CCSER1: variants seen among roughly 807,000 people sequenced by gnomAD.
The protein encoded by CCSER1 is serine-rich coiled-coil domain-containing protein 1.
A neutral mutation model predicts 82.0 loss-of-function variants in CCSER1; 41 were observed. The ratio of observed to expected loss-of-function variants is 0.50; its 90% CI spans 0.39 to 0.65. The LOEUF (loss-of-function observed/expected upper bound fraction) is 0.65. Ranked by LOEUF, CCSER1 falls within the 30% of genes least tolerant of loss-of-function variation. CCSER1 has a pLI of 0.00. For missense variants in CCSER1, 1,119 were observed against 1,064.2 expected, an observed-to-expected ratio of 1.05 and a Z score of -0.72; for synonymous variants, 414 against 383.9, an observed-to-expected ratio of 1.08 and a Z score of -0.92.
At chr4:91,181,567 T>C (rs1388807474) in intron 10 of CCSER1, among the ~76,000 whole-genome samples, 1 of 152,214 alleles carries the variant, frequency 6.6e-6, no homozygotes, top group Non-Finnish European at 1.5e-5. Flanking sequence ...ACTTTTGCCA[T>C]ACTTCTCATC....
In CCSER1 at chr4:90,215,799, A is replaced by G. The variant is rs560198655; in HGVS notation, c.-42+87968A>G. On this transcript the variant is annotated intron_variant, in intron 1 of 10. Coordinates refer to ENST00000509176, the MANE Select transcript of CCSER1 (RefSeq NM_001145065.2). ...ACCTGCCTCAGATCTAATCTTTGGA[A>G]CCCCAGATCTAATCTTTGGAACCCA... Among the ~76,000 whole-genome samples, 4 of 152,144 alleles carry G rather than the reference A, an allele frequency of 2.6e-5. No individual in the cohort carries two copies. The South Asian group carries it at 8.3e-4, about 32-fold the overall frequency.
At chr4:91,442,212 C>A (rs1441094786) in intron 10 of CCSER1, among the ~76,000 whole-genome samples, 3 of 151,440 alleles carry the variant, frequency 2.0e-5, no homozygotes, top group Non-Finnish European at 3.0e-5. Flanking sequence ...CGCTACCTGA[C>A]TTCAAACTAT....
intron 6 of CCSER1, among the ~76,000 whole-genome samples, chr4:90,663,071 T>C (rs545095379): frequency 6.6e-6 from 1 of 152,326 alleles, no homozygotes; most frequent in African/African-American, 2.4e-5. Context: ...TGAGTTGATT[T>C]TCTGATTTTT....
In CCSER1 at chr4:91,165,232, A is replaced by T. The variant is rs924486635; in HGVS notation, c.2217+79238A>T. On this transcript the variant is annotated intron_variant, in intron 10 of 10. Transcript: ENST00000509176. Reference sequence around the variant, plus strand: ...TTGCAGTTTGCTGGAGGTCCACTCCAGACCCTGTTTGCCTGGGTATGACCA... The same window carrying T: ...TTGCAGTTTGCTGGAGGTCCACTCCTGACCCTGTTTGCCTGGGTATGACCA... Among the ~76,000 whole-genome samples, 3 of 152,330 alleles carry T rather than the reference A, an allele frequency of 2.0e-5. No homozygotes were observed. In the South Asian group the frequency reaches 6.2e-4, roughly 32 times the overall value.
intron 10 of CCSER1, among the ~76,000 whole-genome samples, chr4:91,426,045 C>T (rs1753949542): frequency 6.6e-6 from 1 of 152,124 alleles, no homozygotes; most frequent in Admixed American, 6.5e-5. Flanking sequence ...CCTAGCCCCC[C>T]ACATCCCAAT....
At chr4:91,354,871 G>A (rs927748467) in intron 10 of CCSER1, among the ~76,000 whole-genome samples, 1 of 152,162 alleles carries the variant, frequency 6.6e-6, no homozygotes, top group South Asian at 2.1e-4. Flanking sequence ...AGAGTCTCTG[G>A]TACTGGCACA....
chr4:91,340,825 A>G (rs1747677171), intron 10 of CCSER1, among the ~76,000 whole-genome samples: 1 of 152,316 alleles, frequency 6.6e-6, no homozygotes, highest in African/African-American at 2.4e-5. Flanking sequence ...ACAATATGAA[A>G]TTGTGGGAAC....
intron 10 of CCSER1, among the ~76,000 whole-genome samples, chr4:91,397,555 T>C (rs1752065831): frequency 6.6e-6 from 1 of 152,040 alleles, no homozygotes; most frequent in Non-Finnish European, 1.5e-5. Context: ...TGTCTAGTTA[T>C]CTAGTTATTC....
intron 6 of CCSER1, among the ~76,000 whole-genome samples, chr4:90,695,622 G>T (rs1379641657): frequency 2.0e-5 from 3 of 151,948 alleles, no homozygotes; most frequent in Non-Finnish European, 4.4e-5. Context: ...TGTGATTTTT[G>T]TCTGTGTACA....
chr4:90,376,180 A>T (rs1748277446), intron 3 of CCSER1, among the ~76,000 whole-genome samples: 1 of 152,142 alleles, frequency 6.6e-6, no homozygotes, highest in Admixed American at 6.5e-5. Context: ...AGATCTCTTC[A>T]AAATTAGGCT....
At chr4:90,138,363 G>T (rs1724095604) in intron 1 of CCSER1, among the ~76,000 whole-genome samples, 2 of 152,090 alleles carry the variant, frequency 1.3e-5, no homozygotes, top group South Asian at 2.1e-4. Flanking sequence ...AACTAAGAAT[G>T]ACATGAATTT....
chr4:91,021,962 C>A (rs1740017961), intron 9 of CCSER1, among the ~76,000 whole-genome samples: 1 of 151,890 alleles, frequency 6.6e-6, no homozygotes, highest in Non-Finnish European at 1.5e-5. Context: ...TTTTTCTAAA[C>A]CTTGTAATTG....
chr4:90,999,972 A>T (rs146786434), intron 9 of CCSER1, among the ~76,000 whole-genome samples: 355 of 151,462 alleles, frequency 2.3e-3, no homozygotes, highest in African/African-American at 7.4e-3. Context: ...GTATGGTGAA[A>T]GGAAAGGGTC....
intron 9 of CCSER1, among the ~76,000 whole-genome samples, chr4:90,956,944 C>T (rs1228777375): frequency 5.4e-5 from 7 of 129,328 alleles, no homozygotes; most frequent in Non-Finnish European, 3.2e-5. Flanking sequence ...CACAACCAGC[C>T]TTTTTTTTTT....
chr4:91,182,912 C>T (rs1734177001), intron 10 of CCSER1, among the ~76,000 whole-genome samples: 1 of 152,218 alleles, frequency 6.6e-6, no homozygotes, highest in Non-Finnish European at 1.5e-5. Flanking sequence ...GTAAGTTGGG[C>T]ATCCCTGTAT....
intron 4 of CCSER1, among the ~76,000 whole-genome samples, chr4:90,429,620 C>T (rs1341516598): frequency 6.6e-6 from 1 of 151,676 alleles, no homozygotes; most frequent in Non-Finnish European, 1.5e-5. Flanking sequence ...ACAAACTGAA[C>T]TTGGTGACAG....
chr4:91,483,014 A>G (rs1758028051), intron 10 of CCSER1, among the ~76,000 whole-genome samples: 1 of 152,140 alleles, frequency 6.6e-6, no homozygotes, highest in Non-Finnish European at 1.5e-5. Context: ...TAATGGGTGC[A>G]GCACACCAAC....
chr4:90,694,796 G>A (rs7671284), intron 6 of CCSER1, among the ~76,000 whole-genome samples: 1,621 of 108,928 alleles, frequency 0.015, 22 homozygotes, highest in African/African-American at 0.047. Flanking sequence ...TGTGTGTGTG[G>A]GGTGTGTGTG....
rs1001377469 is a variant in CCSER1, at chr4:90,255,458, T to G, written c.-41-52786T>G. On this transcript the variant is annotated intron_variant, in intron 1 of 10. Coordinates refer to ENST00000509176, the MANE Select transcript of CCSER1 (RefSeq NM_001145065.2). ...CTGCATTTAATAAATATGAATCATT[T>G]TATAGAAATACAGATTGTTATAAAT... is the stretch of plus-strand genomic sequence containing the variant. Among the ~76,000 whole-genome samples the G allele has an allele frequency of 8.5e-5, 13 of 152,270 alleles. No homozygotes were observed. In the South Asian group the frequency reaches 2.1e-3, roughly 24 times the overall value.
Sources: allele counts gnomAD v4.1 joint callset (sites outside exome capture counted in the v4.1 genomes callset), GRCh38; gene constraint gnomAD v4.1.1; transcripts MANE v1.5; gene names NCBI Gene and HGNC (gene_info 2026-07-23, HGNC 2026-07-21).